The following JAML variants were observed in gnomAD, a reference collection of about 807,000 sequenced individuals.
JAML encodes junction adhesion molecule like, also known as junctional adhesion molecule-like.
A neutral mutation model predicts 39.3 loss-of-function variants in JAML; 25 were observed. The observed-to-expected ratio is 0.64, with a 90% CI of 0.46 to 0.89. The LOEUF is 0.89. Ranked by LOEUF, JAML falls within the 40% of genes least tolerant of loss-of-function variation. The pLI is 0.00. For synonymous variants in JAML, 162 were observed against 179.2 expected, an observed-to-expected ratio of 0.90 and a Z score of 0.77; for missense variants, 440 against 486.9, an observed-to-expected ratio of 0.90 and a Z score of 0.91.
At chr11:118,200,341 G>A in intron 7 of JAML, 133 bp downstream of exon 7, 1 of 1,127,112 alleles carries the variant, frequency 8.9e-7, no homozygotes. Context: ...GGTTACCACA[G>A]ATGATTCCAT....
intron 1 of JAML, among the ~76,000 whole-genome samples, chr11:118,221,446 G>A (rs1259765213): frequency 6.6e-6 from 1 of 152,202 alleles, no homozygotes; most frequent in Non-Finnish European, 1.5e-5. Flanking sequence ...TTCCACCTCA[G>A]ATCACCAGGA....
intron 5 of JAML, chr11:118,204,048 T>C: frequency 4.4e-6 from 1 of 229,380 alleles, no homozygotes; most frequent in South Asian, 5.9e-5. Flanking sequence ...CCCAAACCAG[T>C]TCTTTCCAGT....
intron 7 of JAML, among the ~76,000 whole-genome samples, 192 bp downstream of exon 7, chr11:118,200,282 C>T (rs146903637): frequency 5.7e-4 from 86 of 152,144 alleles, no homozygotes; most frequent in East Asian, 4.2e-3. Flanking sequence ...ATGAGGAGAG[C>T]GTAGGAATAT....
At chr11:118,220,244 T>C (rs1591482783) in intron 1 of JAML, among the ~76,000 whole-genome samples, 1 of 152,144 alleles carries the variant, frequency 6.6e-6, no homozygotes, top group Non-Finnish European at 1.5e-5. Context: ...CCTCTCCTCA[T>C]ACCTGAACCG....
chr11:118,205,685 T>G (rs1245802981), intron 5 of JAML, 197 bp downstream of exon 5: 8 of 570,086 alleles, frequency 1.4e-5, no homozygotes, highest in Non-Finnish European at 2.2e-5. Context: ...TTAAGCATCA[T>G]CATCATCTTC....
chr11:118,213,885 C>A (rs926939377), intron 2 of JAML, among the ~76,000 whole-genome samples: 4 of 152,120 alleles, frequency 2.6e-5, no homozygotes, highest in Non-Finnish European at 4.4e-5. Flanking sequence ...TGTCTAAATA[C>A]CTTCTGAGAT....
At chr11:118,208,213 G>C (rs1382682958) in intron 4 of JAML, among the ~76,000 whole-genome samples, 1 of 121,916 alleles carries the variant, frequency 8.2e-6, no homozygotes, top group Admixed American at 8.9e-5. Flanking sequence ...GAGCCTGGGT[G>C]ACAGAGCAAG....
intron 9 of JAML, among the ~76,000 whole-genome samples, chr11:118,194,778 A>G (rs1231918717): frequency 1.3e-5 from 2 of 152,240 alleles, no homozygotes; most frequent in African/African-American, 4.8e-5. Flanking sequence ...CATCAATTCA[A>G]CAACAAAAAA....
intron 7 of JAML, among the ~76,000 whole-genome samples, chr11:118,199,828 C>T (rs1364381897): frequency 6.6e-6 from 1 of 151,484 alleles, no homozygotes; most frequent in East Asian, 1.9e-4. Context: ...TCCCAAGTAG[C>T]TGGGAGTACA....
At chr11:118,206,191 C>G (rs1948912359) in intron 4 of JAML, among the ~76,000 whole-genome samples, 200 bp from the exon 5 acceptor site, 1 of 152,162 alleles carries the variant, frequency 6.6e-6, no homozygotes, top group South Asian at 2.1e-4. Flanking sequence ...TACTCAGAGC[C>G]TCCTCCCTCA....
rs1169679177 is a variant in JAML at position 118,194,189 on chromosome 11, T to C, written c.*136A>G. 5.3e-6 allele frequency: 4 copies of C among 749,860 alleles called. No homozygotes were observed. The East Asian group carries it at 8.4e-5, about 16-fold the overall frequency. The allele number at this position is 749,860 out of a possible 1,614,324, so 46.5% of individuals were successfully genotyped here. A position where few individuals can be genotyped will look rare whatever the true frequency, so the allele number is the denominator to read the frequency against. On this transcript the variant is annotated 3_prime_UTR_variant, in exon 10 of 10. Transcript: ENST00000356289. ...TCTGCCAGGCTCCAAATTCTCCATCTTCAGTGTATTGACCAAACAATGAGA... is the reference window on the plus strand; with the variant it reads ...TCTGCCAGGCTCCAAATTCTCCATCCTCAGTGTATTGACCAAACAATGAGA...
chr11:118,212,698 A>T, intron 2 of JAML, 137 bp from the exon 3 acceptor site: 1 of 1,503,558 alleles, frequency 6.7e-7, no homozygotes, highest in African/African-American at 1.4e-5. Context: ...AGGCATGTTC[A>T]AAGGCAGCAT....
rs559289085 is a variant in JAML at position 118,212,921 on chromosome 11, G to A, written c.44-360C>T. On this transcript the variant is annotated intron_variant, in intron 2 of 9. Coordinates refer to ENST00000356289, the MANE Select transcript of JAML (RefSeq NM_001098526.2). Reference sequence around the variant, plus strand: ...GAAACTCACCTCCACTTACCATAACGACGAAATGGGTTGTTCCTTGCTCTT... The same window carrying A: ...GAAACTCACCTCCACTTACCATAACAACGAAATGGGTTGTTCCTTGCTCTT... The A allele has an allele frequency of 2.0e-5, 33 of 1,614,162 alleles. No homozygotes were observed. The East Asian group carries it at 4.2e-4, about 21-fold the overall frequency.
rs1033593211 is a variant in JAML at position 118,212,620 on chromosome 11, A to G, written c.44-59T>C. On this transcript the variant is annotated intron_variant, in intron 2 of 9. Coordinates refer to ENST00000356289, the MANE Select transcript of JAML (RefSeq NM_001098526.2). ...TAGACAAATACTCTCAACAACAAAA[A>G]TCAATTCCAATCATGGAGTACTAAA... 1.0e-5 allele frequency: 16 copies of G among 1,581,654 alleles called. No individual in the cohort carries two copies. The African/African-American group carries it at 1.9e-4, about 19-fold the overall frequency.
intron 4 of JAML, among the ~76,000 whole-genome samples, chr11:118,208,582 G>A (rs757213370): frequency 5.3e-5 from 8 of 152,176 alleles, no homozygotes; most frequent in Non-Finnish European, 1.2e-4. Context: ...AATAAAGCTG[G>A]GAGGCTAAGG....
intron 4 of JAML, among the ~76,000 whole-genome samples, chr11:118,208,056 C>T (rs1482225680): frequency 2.6e-5 from 4 of 151,844 alleles, no homozygotes; most frequent in Non-Finnish European, 4.4e-5. Flanking sequence ...CGTAGGGAAA[C>T]CCCATCTCTA....
intron 5 of JAML, 125 bp downstream of exon 5, chr11:118,205,757 G>T (rs548334829): frequency 3.8e-6 from 3 of 792,242 alleles, no homozygotes; most frequent in Non-Finnish European, 4.3e-6. Flanking sequence ...CTAGGAGAAG[G>T]TCCAGTTCTG....
At chr11:118,213,058 A>G in intron 2 of JAML, 1 of 1,580,532 alleles carries the variant, frequency 6.3e-7, no homozygotes, top group Admixed American at 1.8e-5. Flanking sequence ...GCTGTAGGGC[A>G]GGTCCTTGTA....
At chr11:118,210,435 G>A in intron 4 of JAML, 52 bp downstream of exon 4, 1 of 1,574,744 alleles carries the variant, frequency 6.4e-7, no homozygotes, top group Non-Finnish European at 8.7e-7. Context: ...CTTGCCTCTT[G>A]CACATGAAAG....
Sources: gnomAD v4.1 joint callset for allele counts (sites outside exome capture counted in the v4.1 genomes callset) on GRCh38, gnomAD v4.1.1 for gene constraint, MANE v1.5 for transcripts, NCBI Gene and HGNC (gene_info 2026-07-23, HGNC 2026-07-21) for gene names.